Variants in OPRM1 observed in about 807,000 individuals in gnomAD.
OPRM1 encodes the protein opioid receptor mu 1.
In OPRM1, 27 loss-of-function variants were observed where a neutral mutation model predicts 31.8. That is an observed-to-expected ratio of 0.85 (90% CI 0.63 to 1.17). The LOEUF is 1.17. Among genes scored for constraint, OPRM1 ranks in the 50% most tolerant of loss-of-function variants. OPRM1 has a pLI of 0.00. For missense variants in OPRM1, 536 were observed against 511.1 expected (o/e 1.05, Z -0.47); for synonymous variants, 196 against 189.9 (o/e 1.03, Z -0.26).
In OPRM1 at chr6:154,130,727, A is replaced by G. The variant is rs1797849387; in HGVS notation, c.*12006A>G. On this transcript the variant is annotated 3_prime_UTR_variant, in exon 4 of 4. Transcript: ENST00000330432. The stretch of plus-strand genomic sequence containing the variant: ...GCCATTCCATAAAAATATATCTACC[A>G]ATATAAATAGAATATATAAAGGGAA... 6.6e-6 allele frequency among the ~76,000 whole-genome samples: 1 copy of G among 151,944 alleles called. No individual in the cohort carries two copies. Among genetic ancestry groups the G allele is most frequent in the African/African-American group, 2.4e-5 (1 of 41,410 alleles).
intron 3 of OPRM1, chr6:154,107,598 A>G (rs1167564427): frequency 1.4e-6 from 1 of 718,520 alleles, no homozygotes; most frequent in South Asian, 1.5e-5. Context: ...GCTTGTAACT[A>G]TTTCATATGA....
At chr6:154,108,986 G>C (rs1796013883) in intron 3 of OPRM1, 1 of 984,488 alleles carries the variant, frequency 1.0e-6, no homozygotes, top group Non-Finnish European at 1.2e-6. Context: ...TTATTTCATG[G>C]ACCAGCAATA....
At position 154,168,356 on chromosome 6, in the gene OPRM1, C is replaced by A. The variant is rs577348048; in HGVS notation, c.1164+76884C>A. ...GAGTTATTCCAAGCCTCTCTCCTGG[C>A]TTCAAGTGGTTTTTTGGTTTGTGGC... On this transcript the variant is annotated intron_variant, in intron 3 of 3. Transcript: ENST00000337049. The surrounding 1 kb of genome is among the most constrained non-coding windows in gnomAD (Gnocchi z 4.1). Among the ~76,000 whole-genome samples the A allele has an allele frequency of 6.6e-6, 1 of 152,226 alleles. No homozygotes were observed. Among genetic ancestry groups the A allele is most frequent in the African/African-American group, 2.4e-5 (1 of 41,528 alleles).
intron 3 of OPRM1, chr6:154,213,425 T>C (rs1179391466): frequency 2.0e-5 from 3 of 153,752 alleles, no homozygotes; most frequent in Non-Finnish European, 4.3e-5. Context: ...AAATAGACAA[T>C]GGGTACTTAT....
At chr6:154,189,291 T>C (rs1218646064) in intron 3 of OPRM1, among the ~76,000 whole-genome samples, 1 of 152,220 alleles carries the variant, frequency 6.6e-6, no homozygotes, top group Non-Finnish European at 1.5e-5. Context: ...GCTGAAGAGA[T>C]GTATTTTGGT....
Position 154,103,675 on chromosome 6 carries a change from T to C in OPRM1, c.1164+12203T>C, listed in dbSNP as rs371553884. ...GCCCATTTTTACAGTTATTTCTTGA[T>C]GATATGCTCAACAAGGGGTGTATTA... On this transcript the variant is annotated intron_variant, in intron 3 of 3. Coordinates refer to ENST00000330432, the MANE Select transcript of OPRM1 (RefSeq NM_000914.5). Among the ~76,000 whole-genome samples, 85 of 152,336 alleles carry C rather than the reference T, an allele frequency of 5.6e-4. No individual in the cohort carries two copies. In the East Asian group the frequency reaches 0.015, roughly 27 times the overall value.
Position 154,075,613 on chromosome 6 carries a change from A to G in OPRM1, c.291-14213A>G, listed in dbSNP as rs117376401. The stretch of plus-strand genomic sequence containing the variant: ...ATTATGAGTGCAGGCCACCATGCAT[A>G]GCTGATTTTTGTAATTTTAGTAGAA... On this transcript the variant is annotated intron_variant, in intron 1 of 3. Transcript: ENST00000330432. 6.0e-4 allele frequency among the ~76,000 whole-genome samples: 92 copies of G among 152,148 alleles called. 1 individual carries two copies. The East Asian group carries it at 0.012, about 20-fold the overall frequency.
At chr6:154,200,453 G>A (rs1776969898) in intron 3 of OPRM1, among the ~76,000 whole-genome samples, 1 of 152,208 alleles carries the variant, frequency 6.6e-6, no homozygotes, top group Non-Finnish European at 1.5e-5. Context: ...GGGTGCGATG[G>A]CTCATGCCTG....
chr6:154,209,380 G>C (rs2128602658), intron 3 of OPRM1, among the ~76,000 whole-genome samples: 1 of 152,256 alleles, frequency 6.6e-6, no homozygotes, highest in African/African-American at 2.4e-5. Flanking sequence ...ACTGAGTGCA[G>C]TGGCTTACGC....
chr6:154,160,933 A>T (rs1798958557), intron 3 of OPRM1, among the ~76,000 whole-genome samples: 1 of 152,144 alleles, frequency 6.6e-6, no homozygotes, highest in Admixed American at 6.5e-5. Context: ...CAGAGCAGGG[A>T]TGCATGTAAA....
chr6:154,163,143 G>A (rs1442298557), intron 3 of OPRM1, among the ~76,000 whole-genome samples: 1 of 152,146 alleles, frequency 6.6e-6, no homozygotes, highest in Non-Finnish European at 1.5e-5. Flanking sequence ...CTTACTCCGA[G>A]CAGAAGCTGG....
chr6:154,195,052 G>A (rs926926843), intron 3 of OPRM1, among the ~76,000 whole-genome samples: 5 of 151,872 alleles, frequency 3.3e-5, no homozygotes, highest in African/African-American at 9.7e-5. Flanking sequence ...TGCCACCTCA[G>A]CTGTTATGCA....
intron 1 of OPRM1, among the ~76,000 whole-genome samples, chr6:154,057,066 T>A (rs1195679995): frequency 6.6e-6 from 1 of 152,186 alleles, no homozygotes; most frequent in African/African-American, 2.4e-5. Flanking sequence ...ATAAAACACA[T>A]ATCTAAGGAC....
intron 1 of OPRM1, among the ~76,000 whole-genome samples, chr6:154,024,954 C>A (rs1054998518): frequency 2.0e-5 from 3 of 151,898 alleles, no homozygotes; most frequent in African/African-American, 7.2e-5. Context: ...TGTTTATGGT[C>A]CATCCTTGAG....
At chr6:154,180,414 A>ATTTT (rs761333730) in intron 3 of OPRM1, among the ~76,000 whole-genome samples, 51 of 65,184 alleles carry the variant, frequency 7.8e-4, no homozygotes, top group South Asian at 3.1e-3. Flanking sequence ...ATATATATAT[A>ATTTT]TTTTTTTTTT....
Position 154,118,742 on chromosome 6 carries a change from A to T in OPRM1, c.*21A>T. The T allele has an allele frequency of 1.9e-6, 3 of 1,612,632 alleles. No homozygotes were observed. The highest frequency in any genetic ancestry group is 2.5e-6 in the Non-Finnish European group (3 of 1,179,414). On this transcript the variant is annotated 3_prime_UTR_variant, in exon 4 of 4. Transcript: ENST00000330432. ...CCTAACAGGGTCTCATGCCATTCCGACCTTCACCAAGCTTAGAAGCCACCA... is the reference window on the plus strand; with the variant it reads ...CCTAACAGGGTCTCATGCCATTCCGTCCTTCACCAAGCTTAGAAGCCACCA...
At chr6:154,226,457 C>G (rs1201510668) in intron 3 of OPRM1, among the ~76,000 whole-genome samples, 1 of 152,056 alleles carries the variant, frequency 6.6e-6, no homozygotes, top group Non-Finnish European at 1.5e-5. Context: ...GTTGCCAAAA[C>G]AGGACATGTG....
chr6:154,211,703 A>C (rs9479792), intron 3 of OPRM1, among the ~76,000 whole-genome samples: 11,148 of 152,276 alleles, frequency 0.073, 507 homozygotes, highest in African/African-American at 0.12. Context: ...GGAACAGTTT[A>C]AAAAAGATTA....
chr6:154,212,683 T>C (rs1468561940), intron 3 of OPRM1: 11 of 844,608 alleles, frequency 1.3e-5, no homozygotes, highest in South Asian at 1.7e-5. Context: ...TAAAAATTTA[T>C]TGGTCAAGCT....
Sources: gnomAD v4.1 joint callset for allele counts (sites outside exome capture counted in the v4.1 genomes callset) on GRCh38, gnomAD v4.1.1 for gene constraint, Gnocchi (gnomAD v3.1) non-coding constraint, MANE v1.5 for transcripts, NCBI Gene and HGNC (gene_info 2026-07-23, HGNC 2026-07-21) for gene names.